The following FMN1 variants were observed in gnomAD, a reference collection of about 807,000 sequenced individuals.
FMN1 encodes the protein formin 1.
FMN1 carries 110 observed loss-of-function variants against 132.4 expected under a neutral mutation model. That is an observed-to-expected ratio of 0.83 (90% CI 0.71 to 0.97). The LOEUF is 0.97. FMN1 is among the 50% of genes least tolerant of loss of function. The pLI is 0.00. For synonymous variants in FMN1, 722 were observed against 651.7 expected, an observed-to-expected ratio of 1.11 and a Z score of -1.64; for missense variants, 1,792 against 1,705.3, an observed-to-expected ratio of 1.05 and a Z score of -0.90.
intron 17 of FMN1, among the ~76,000 whole-genome samples, chr15:32,834,346 C>G (rs2058573956): frequency 6.6e-6 from 1 of 152,166 alleles, no homozygotes; most frequent in African/African-American, 2.4e-5. Context: ...AGAACTTGGT[C>G]TCCCTTGGGC....
intron 3 of FMN1, among the ~76,000 whole-genome samples, chr15:33,163,492 C>T (rs909706240): frequency 6.6e-6 from 1 of 151,536 alleles, no homozygotes; most frequent in African/African-American, 2.4e-5. Flanking sequence ...GGGGGTTTCT[C>T]CATGTTGGTC....
intron 19 of FMN1, among the ~76,000 whole-genome samples, chr15:32,785,219 T>TATATATATA (rs1491354596): frequency 1.6e-3 from 20 of 12,254 alleles, no homozygotes; most frequent in African/African-American, 2.1e-3. Flanking sequence ...TATATATATA[T>TATATATATA]TTTTTTTTTT....
intron 4 of FMN1, among the ~76,000 whole-genome samples, chr15:33,115,510 A>ACG (rs2039889518): frequency 6.5e-5 from 9 of 138,460 alleles, no homozygotes; most frequent in Non-Finnish European, 1.4e-4. Flanking sequence ...CCCCACACAC[A>ACG]CACGCACACA....
At chr15:33,142,822 C>T (rs1964061468) in intron 4 of FMN1, among the ~76,000 whole-genome samples, 1 of 152,216 alleles carries the variant, frequency 6.6e-6, no homozygotes. Context: ...ACAAGAGTTA[C>T]AGGTCCCTGC....
At chr15:32,775,657 C>T (rs755528064) in intron 20 of FMN1, among the ~76,000 whole-genome samples, 20 of 152,288 alleles carry the variant, frequency 1.3e-4, no homozygotes, top group Non-Finnish European at 2.6e-4. Context: ...TGGCTTTCCC[C>T]GACCAAAAAG....
chr15:33,140,516 C>T (rs1336697572), intron 4 of FMN1, among the ~76,000 whole-genome samples: 1 of 152,132 alleles, frequency 6.6e-6, no homozygotes, highest in Non-Finnish European at 1.5e-5. Context: ...TCAGACACTA[C>T]GATCAAGGCC....
intron 16 of FMN1, among the ~76,000 whole-genome samples, chr15:32,873,187 A>C (rs1255551985): frequency 6.6e-6 from 1 of 152,248 alleles, no homozygotes; most frequent in South Asian, 2.1e-4. Context: ...TCGTCTTTTA[A>C]AACTCCACAG....
At chr15:32,857,974 A>C (rs1269010849) in intron 16 of FMN1, among the ~76,000 whole-genome samples, 1 of 152,244 alleles carries the variant, frequency 6.6e-6, no homozygotes, top group African/African-American at 2.4e-5. Flanking sequence ...AGCTGAGTCA[A>C]GATCACTTTC....
intron 12 of FMN1, among the ~76,000 whole-genome samples, chr15:32,903,685 C>T (rs1380312692): frequency 6.6e-6 from 1 of 152,120 alleles, no homozygotes; most frequent in Non-Finnish European, 1.5e-5. Context: ...AGATGAAAAG[C>T]AGAAAATGCT....
intron 10 of FMN1, among the ~76,000 whole-genome samples, chr15:32,923,828 C>T (rs1312411314): frequency 1.3e-5 from 2 of 152,274 alleles, no homozygotes; most frequent in East Asian, 3.9e-4. Flanking sequence ...TGCAGTAGGA[C>T]ATGCTTAAAA....
intron 7 of FMN1, among the ~76,000 whole-genome samples, chr15:32,980,603 T>C (rs1188697363): frequency 2.0e-5 from 3 of 152,190 alleles, no homozygotes. Flanking sequence ...TGGTTAACCA[T>C]TTTCTGTTTT....
intron 3 of FMN1, among the ~76,000 whole-genome samples, chr15:33,165,446 A>G (rs1238814225): frequency 3.3e-5 from 5 of 152,202 alleles, no homozygotes; most frequent in Non-Finnish European, 5.9e-5. Flanking sequence ...GCTGGAGTGC[A>G]GTGGCGCGAT....
intron 4 of FMN1, among the ~76,000 whole-genome samples, chr15:33,120,626 G>T (rs112924207): frequency 7.8e-6 from 1 of 127,700 alleles, no homozygotes; most frequent in African/African-American, 2.9e-5. Flanking sequence ...GGCAGCTTTT[G>T]TTGTCTTTTC....
At chr15:33,163,774 T>A (rs1964992068) in intron 3 of FMN1, among the ~76,000 whole-genome samples, 1 of 151,904 alleles carries the variant, frequency 6.6e-6, no homozygotes, top group Non-Finnish European at 1.5e-5. Context: ...GCCGCCATCA[T>A]GCTCAACAAA....
At chr15:32,900,846 C>G (rs2060277218) in intron 13 of FMN1, among the ~76,000 whole-genome samples, 1 of 152,046 alleles carries the variant, frequency 6.6e-6, no homozygotes, top group African/African-American at 2.4e-5. Flanking sequence ...TTTTATCCCC[C>G]TTTATTTCAG....
intron 5 of FMN1, among the ~76,000 whole-genome samples, chr15:33,082,053 G>GTGTGTGTGTT (rs540217494): frequency 0.04 from 5,370 of 134,518 alleles, 133 homozygotes; most frequent in African/African-American, 0.053. Context: ...GTGTGTGTGT[G>GTGTGTGTGTT]TAAGACGGAG....
intron 6 of FMN1, among the ~76,000 whole-genome samples, chr15:33,055,242 A>G (rs971937420): frequency 7.9e-5 from 12 of 152,192 alleles, no homozygotes; most frequent in African/African-American, 2.9e-4. Flanking sequence ...TACTGATAAT[A>G]GTAACTCTTT....
intron 15 of FMN1, among the ~76,000 whole-genome samples, chr15:32,894,157 A>G (rs1442798363): frequency 6.6e-6 from 1 of 152,170 alleles, no homozygotes. Context: ...CCAGTTCAGC[A>G]AGTTTTATCA....
At chr15:33,130,769 TAC>T (rs1963507676) in intron 4 of FMN1, among the ~76,000 whole-genome samples, 1 of 152,256 alleles carries the variant, frequency 6.6e-6, no homozygotes. Context: ...TCAAAACACT[TAC>T]ATTTGCTTGT....
Sources: allele counts gnomAD v4.1 joint callset (sites outside exome capture counted in the v4.1 genomes callset), GRCh38; gene constraint gnomAD v4.1.1; transcripts MANE v1.5; gene names NCBI Gene and HGNC (gene_info 2026-07-23, HGNC 2026-07-21).